ABCA8: variants seen among roughly 807,000 people sequenced by gnomAD.
The protein encoded by ABCA8 is ABC-type organic anion transporter ABCA8.
Under a neutral mutation model 192.3 loss-of-function variants are expected in ABCA8, and 177 were observed. The observed-to-expected ratio is 0.92, with a 90% confidence interval of 0.81 to 1.04. ABCA8 has a LOEUF of 1.04. Ranked by LOEUF, ABCA8 falls within the 50% of genes least tolerant of loss-of-function variation. The probability of loss-of-function intolerance (pLI) is 0.00; values close to 1 mark genes in which losing one functional copy is unlikely to be tolerated. For synonymous variants in ABCA8, 642 were observed against 690.2 expected (o/e 0.93, Z 1.09); for missense variants, 1,915 against 1,904.8 (o/e 1.01, Z -0.10).
In ABCA8 at chr17:68,877,601, T is replaced by C. The variant is rs973422547; in HGVS notation, c.4117A>G (p.Asn1373Asp). The C allele has an allele frequency of 6.2e-7, 1 of 1,614,142 alleles. No individual in the cohort carries two copies. The highest frequency in any genetic ancestry group is 1.3e-5 in the African/African-American group (1 of 75,032). ...YCPQENALWPNLTVRQHLEVY... is the reference protein window; with the variant it reads ...YCPQENALWPDLTVRQHLEVY... ...TCCAGGTGCTGCCTCACTGTCAGGT[T>C]GGGCCACAGCGCGTTCTCCTGAGGG... Residue 1373 changes from asparagine to aspartate, a missense_variant, in exon 33 of 40, where the codon AAC (asparagine) becomes GAC (aspartate). Coordinates refer to ENST00000586539, the MANE Select transcript of ABCA8 (RefSeq NM_001288985.2).
chr17:68,884,542 G>C, intron 27 of ABCA8, 146 bp from the exon 28 acceptor site: 1 of 1,332,524 alleles, frequency 7.5e-7, no homozygotes, highest in Non-Finnish European at 9.6e-7. Context: ...ATAGCAAGGG[G>C]CTGTCTTCCT....
rs2067460260 is a variant in ABCA8, at chr17:68,918,929, T to TTA, written c.1788+371_1788+372insTA. On this transcript the variant is annotated intron_variant, in intron 14 of 39. Transcript: ENST00000586539. ...TGGGCGACAAGAGCAAAACTCTGTC[T>TTA]CAAAAAAAAAAAAAAAAAAAAAAAA... Among the ~76,000 whole-genome samples the TTA allele has an allele frequency of 8.5e-5, 5 of 58,608 alleles. 1 individual carries two copies. In the Admixed American group the frequency reaches 8.9e-4, roughly 10 times the overall value. The allele number at this position is 58,608 out of a possible 152,430, so 38.4% of individuals were successfully genotyped here.
intron 24 of ABCA8, among the ~76,000 whole-genome samples, chr17:68,887,913 T>TATATCC (rs1567830579): frequency 1.7e-5 from 1 of 60,358 alleles, no homozygotes; most frequent in African/African-American, 8.1e-5. Context: ...TATATCCATA[T>TATATCC]ATATATATAT....
intron 14 of ABCA8, among the ~76,000 whole-genome samples, chr17:68,918,995 A>G (rs2067464268): frequency 6.6e-6 from 1 of 151,620 alleles, no homozygotes; most frequent in African/African-American, 2.4e-5. Context: ...TTTGAATGTC[A>G]CACACATTGA....
At chr17:68,904,444 C>T (rs1402046170) in intron 19 of ABCA8, among the ~76,000 whole-genome samples, 1 of 151,434 alleles carries the variant, frequency 6.6e-6, no homozygotes, top group Non-Finnish European at 1.5e-5. Flanking sequence ...GGCGAGAGCA[C>T]AAAGAAAGCT....
At position 68,907,892 on chromosome 17, in the gene ABCA8, A is replaced by G. The variant is rs1395304354; in HGVS notation, c.2139-13T>C. On this transcript the variant is annotated splice_polypyrimidine_tract_variant and intron_variant, in intron 17 of 39. Transcript: ENST00000586539. Reference sequence around the variant, plus strand: ...ATTTAACTGCAAGCTGGCATTCAGAAAAAAAAAAAAAGACATATGTTACTC... The same window carrying G: ...ATTTAACTGCAAGCTGGCATTCAGAGAAAAAAAAAAAGACATATGTTACTC... 8.3e-7 allele frequency: 1 copy of G among 1,202,454 alleles called. No individual in the cohort carries two copies. Among genetic ancestry groups the G allele is most frequent in the South Asian group, 1.6e-5 (1 of 61,622 alleles). The allele number at this position is 1,202,454 out of a possible 1,614,324, so 74.5% of individuals were successfully genotyped here. A position where few individuals can be genotyped will look rare whatever the true frequency, so the allele number is the denominator to read the frequency against.
At chr17:68,919,756 C>T (rs1337246537) in intron 13 of ABCA8, 1 of 217,084 alleles carries the variant, frequency 4.6e-6, no homozygotes, top group African/African-American at 2.3e-5. Context: ...GAAGAGCTTC[C>T]ACCTAGTGAT....
intron 21 of ABCA8, 38 bp downstream of exon 21, chr17:68,902,675 A>C: frequency 6.4e-7 from 1 of 1,562,242 alleles, no homozygotes; most frequent in Non-Finnish European, 8.8e-7. Context: ...TGCTCTGAAC[A>C]GTAAATGTAT....
intron 1 of ABCA8, among the ~76,000 whole-genome samples, chr17:68,951,684 A>T (rs2143827285): frequency 7.5e-6 from 1 of 133,606 alleles, no homozygotes; most frequent in East Asian, 2.0e-4. Flanking sequence ...TTTATGTTTC[A>T]GTAATAGGTT....
intron 37 of ABCA8, among the ~76,000 whole-genome samples, chr17:68,871,772 A>T (rs1234746161): frequency 6.6e-6 from 1 of 152,128 alleles, no homozygotes; most frequent in Admixed American, 6.6e-5. Flanking sequence ...AGCATAACAT[A>T]TTACTTATGT....
chr17:68,925,639 A>G (rs2143659388), intron 10 of ABCA8, among the ~76,000 whole-genome samples: 1 of 152,316 alleles, frequency 6.6e-6, no homozygotes, highest in South Asian at 2.1e-4. Context: ...TATTTCTCAC[A>G]TGTTCAGTCC....
At chr17:68,893,081 T>C (rs958447451) in intron 23 of ABCA8, among the ~76,000 whole-genome samples, 3 of 152,124 alleles carry the variant, frequency 2.0e-5, no homozygotes, top group African/African-American at 7.2e-5. Flanking sequence ...TTATTGGCCA[T>C]ATATATTATC....
At chr17:68,906,199 G>T in intron 18 of ABCA8, 36 bp from the exon 19 acceptor site, 2 of 1,423,824 alleles carry the variant, frequency 1.4e-6, no homozygotes, top group African/African-American at 1.4e-5. Flanking sequence ...ATTAAAACAA[G>T]AATCACAAGT....
At chr17:68,893,066 T>G (rs1168108325) in intron 23 of ABCA8, among the ~76,000 whole-genome samples, 1 of 152,170 alleles carries the variant, frequency 6.6e-6, no homozygotes, top group South Asian at 2.1e-4. Flanking sequence ...TACATGAGTA[T>G]ATGATTATTG....
chr17:68,876,576 A>G (rs372128253), intron 34 of ABCA8, 22 bp from the exon 35 acceptor site: 2 of 1,614,154 alleles, frequency 1.2e-6, no homozygotes, highest in Admixed American at 1.7e-5. Context: ...GGAACAGCCC[A>G]TCTGGTTCCC....
chr17:68,929,364 C>T, intron 8 of ABCA8, 130 bp from the exon 9 acceptor site: 1 of 1,029,718 alleles, frequency 9.7e-7, no homozygotes. Context: ...TTGTATATAA[C>T]ATACAAAACT....
At chr17:68,881,057 G>T in intron 32 of ABCA8, 63 bp downstream of exon 32, 1 of 1,158,742 alleles carries the variant, frequency 8.6e-7, no homozygotes, top group Non-Finnish European at 1.3e-6. Context: ...TGTTTTTAAG[G>T]TCATCAAATC....
At chr17:68,910,188 A>G (rs1438841901) in intron 17 of ABCA8, among the ~76,000 whole-genome samples, 1 of 152,202 alleles carries the variant, frequency 6.6e-6, no homozygotes, top group Admixed American at 6.5e-5. Context: ...GTGAGCAATG[A>G]TAGTGGTTTT....
intron 33 of ABCA8, among the ~76,000 whole-genome samples, chr17:68,876,993 A>T (rs187614748): frequency 1.7e-3 from 261 of 152,084 alleles, no homozygotes; most frequent in Admixed American, 3.6e-3. Context: ...TACTTTTTAA[A>T]TTTTAAATTT....
Sources: allele counts gnomAD v4.1 joint callset (sites outside exome capture counted in the v4.1 genomes callset), GRCh38; gene constraint gnomAD v4.1.1; transcripts MANE v1.5; gene names NCBI Gene and HGNC (gene_info 2026-07-23, HGNC 2026-07-21).